Variants in SP110 observed in about 807,000 individuals in gnomAD.
The protein encoded by SP110 is SP110 nuclear body protein.
In SP110, 62 loss-of-function variants were observed where a neutral mutation model predicts 92.7. The ratio of observed to expected loss-of-function variants is 0.67; its 90% CI spans 0.55 to 0.83. The LOEUF is 0.83. Ranked by LOEUF, SP110 falls within the 40% of genes least tolerant of loss-of-function variation. The probability of loss-of-function intolerance (pLI) is 0.00; values close to 1 mark genes in which losing one functional copy is unlikely to be tolerated. For synonymous variants in SP110, 273 were observed against 305.3 expected (o/e 0.89, Z 1.10); for missense variants, 793 against 863.9 (o/e 0.92, Z 1.03).
intron 15 of SP110, chr2:230,172,424 G>A (rs780554195): frequency 2.1e-5 from 12 of 575,410 alleles, no homozygotes; most frequent in Non-Finnish European, 3.4e-5. Flanking sequence ...CCCTGTCTGA[G>A]CTGCTGGGAG....
rs1408085189 is a variant in SP110 at position 230,208,000 on chromosome 2, G to A, written c.889C>T (p.Leu297Phe). 1 of 1,548,622 alleles carries A rather than the reference G, an allele frequency of 6.5e-7. No homozygotes were observed. ...TGTACTCTCATCTTACCTCCTGGGA[G>A]GCTTTTTTTCTTATGTCTCCTTTTT... is the stretch of plus-strand genomic sequence containing the variant. Reference protein sequence around the residue: ...TPKRRHKKKSLPGGTASSRHG... With the variant: ...TPKRRHKKKSFPGGTASSRHG... The change falls in exon 8 of 19, where the codon CTC (leucine) becomes TTC (phenylalanine). Residue 297 changes from leucine (L) to phenylalanine (F), a missense_variant. Coordinates refer to ENST00000258381, the MANE Select transcript of SP110 (RefSeq NM_080424.4).
At chr2:230,182,138 AAGGTCATGTCCTT>A (rs1191194567) in intron 12 of SP110, among the ~76,000 whole-genome samples, 7 of 152,256 alleles carry the variant, frequency 4.6e-5, no homozygotes, top group Non-Finnish European at 1.0e-4. Flanking sequence ...AAAAAGGAAC[AAGGTCATGTCCTT>A]TGCAGGGGCA....
chr2:230,173,111 G>A, intron 14 of SP110, 152 bp from the exon 15 acceptor site: 1 of 657,616 alleles, frequency 1.5e-6, no homozygotes, highest in Non-Finnish European at 2.8e-6. Context: ...CCTCCCTGGG[G>A]GAAATTGCAA....
intron 10 of SP110, among the ~76,000 whole-genome samples, chr2:230,187,844 G>T (rs2042426599): frequency 6.6e-6 from 1 of 152,084 alleles, no homozygotes; most frequent in African/African-American, 2.4e-5. Flanking sequence ...CTGTTCCATT[G>T]GTCGATGTAT....
chr2:230,208,318 T>G (rs41553213), intron 7 of SP110, among the ~76,000 whole-genome samples: 1 of 152,078 alleles, frequency 6.6e-6, no homozygotes, highest in East Asian at 1.9e-4. Context: ...AGGAGAGAGA[T>G]ATGGAAGTAG....
chr2:230,189,220 C>CT (rs1041019438), intron 10 of SP110, among the ~76,000 whole-genome samples: 25 of 151,720 alleles, frequency 1.6e-4, no homozygotes, highest in African/African-American at 5.1e-4. Flanking sequence ...TCTCATCTTT[C>CT]TTTTTTTCTG....
intron 11 of SP110, among the ~76,000 whole-genome samples, chr2:230,184,749 A>G (rs1417403324): frequency 6.6e-6 from 1 of 152,230 alleles, no homozygotes; most frequent in African/African-American, 2.4e-5. Context: ...ATTCAAACAG[A>G]TGACCCTCAA....
intron 8 of SP110, among the ~76,000 whole-genome samples, chr2:230,204,696 A>G (rs2043565915): frequency 6.6e-6 from 1 of 152,190 alleles, no homozygotes; most frequent in South Asian, 2.1e-4. Context: ...AGTAATTACA[A>G]TAGAGTATTT....
intron 11 of SP110, among the ~76,000 whole-genome samples, chr2:230,184,232 G>A (rs1372051552): frequency 6.6e-6 from 1 of 152,150 alleles, no homozygotes; most frequent in Non-Finnish European, 1.5e-5. Flanking sequence ...GTTGACTTCA[G>A]GTAACTGAAA....
chr2:230,201,635 T>C (rs1338836960), intron 9 of SP110, among the ~76,000 whole-genome samples: 1 of 152,228 alleles, frequency 6.6e-6, no homozygotes, highest in African/African-American at 2.4e-5. Flanking sequence ...AGCACTTCTA[T>C]TGCATCCTGA....
At chr2:230,212,638 TG>T in intron 4 of SP110, 122 bp downstream of exon 4, 1 of 1,332,410 alleles carries the variant, frequency 7.5e-7, no homozygotes, top group Non-Finnish European at 1.1e-6. Context: ...GGGTTGTGTT[TG>T]GGTAGATGGG....
intron 7 of SP110, among the ~76,000 whole-genome samples, chr2:230,209,060 T>C (rs1447389817): frequency 6.6e-6 from 1 of 152,204 alleles, no homozygotes; most frequent in Non-Finnish European, 1.5e-5. Flanking sequence ...GAAAAATATA[T>C]TTTTGATTCT....
intron 12 of SP110, among the ~76,000 whole-genome samples, chr2:230,178,664 T>G (rs2041979157): frequency 1.3e-5 from 2 of 152,210 alleles, no homozygotes; most frequent in African/African-American, 4.8e-5. Flanking sequence ...CTGACTTAAA[T>G]GAAGACTTGG....
chr2:230,201,565 C>T, intron 9 of SP110, among the ~76,000 whole-genome samples: 1 of 152,310 alleles, frequency 6.6e-6, no homozygotes, highest in Admixed American at 6.5e-5. Context: ...TAAATTTCTA[C>T]CCTTGAGTAC....
At chr2:230,222,411 C>T (rs142603832), upstream of SP110, among the ~76,000 whole-genome samples, 2 of 152,222 alleles carry the variant, frequency 1.3e-5, no homozygotes, top group African/African-American at 4.8e-5. Context: ...GTAGTTACTA[C>T]ACCAGTCAAG....
At chr2:230,183,301 A>G (rs2042208388) in intron 12 of SP110, among the ~76,000 whole-genome samples, 1 of 152,234 alleles carries the variant, frequency 6.6e-6, no homozygotes, top group Non-Finnish European at 1.5e-5. Flanking sequence ...AATTTGACTT[A>G]AAGGTTTAGT....
intron 12 of SP110, among the ~76,000 whole-genome samples, chr2:230,182,478 G>A (rs911571248): frequency 7.2e-5 from 11 of 152,080 alleles, no homozygotes; most frequent in Admixed American, 2.0e-4. Context: ...TTTTAAAAAA[G>A]GTGAGGTCTG....
chr2:230,215,080 G>A lies in SP110; in HGVS notation c.186C>T (p.Ser62=), dbSNP rs200926349. 27 of 1,613,654 alleles carry A rather than the reference G, an allele frequency of 1.7e-5. No individual in the cohort carries two copies. Among genetic ancestry groups the A allele is most frequent in the African/African-American group, 2.7e-5 (2 of 74,908 alleles). The change falls in exon 3 of 19, where the codon TCC becomes TCT. Residue 62 remains serine (S), a synonymous_variant. Coordinates refer to ENST00000258381, the MANE Select transcript of SP110 (RefSeq NM_080424.4). ...GGGTGAGAATGTTGTGCACCACTCT[G>A]GATACAGGGATCAAATTTCTACAGG... is the stretch of plus-strand genomic sequence containing the variant. ...LEACRNLIPV[S]RVVHNILTQL...
At chr2:230,224,711 A>C (rs2046123829), upstream of SP110, among the ~76,000 whole-genome samples, 1 of 152,176 alleles carries the variant, frequency 6.6e-6, no homozygotes, top group African/African-American at 2.4e-5. Flanking sequence ...TGTGTAATGA[A>C]CCAGAAAAAG....
Sources: allele counts gnomAD v4.1 joint callset (sites outside exome capture counted in the v4.1 genomes callset), GRCh38; gene constraint gnomAD v4.1.1; transcripts MANE v1.5; gene names NCBI Gene and HGNC (gene_info 2026-07-23, HGNC 2026-07-21).